SCAI: variants seen among roughly 807,000 people sequenced by gnomAD.
The protein encoded by SCAI is protein SCAI.
A neutral mutation model predicts 92.2 loss-of-function variants in SCAI; 24 were observed. That is an observed-to-expected ratio of 0.26 (90% CI 0.19 to 0.37). The LOEUF is 0.37. Ranked by LOEUF, SCAI falls within the 10% of genes least tolerant of loss-of-function variation. The pLI is 1.00. For missense variants in SCAI, 450 were observed against 736.2 expected (o/e 0.61, Z 4.50); for synonymous variants, 261 against 258.6 (o/e 1.01, Z -0.09).
intron 2 of SCAI, among the ~76,000 whole-genome samples, chr9:125,087,671 T>C (rs930949771): frequency 6.6e-6 from 1 of 152,210 alleles, no homozygotes; most frequent in African/African-American, 2.4e-5. Flanking sequence ...TCAATTTCCA[T>C]TGCTTTGTAA....
chr9:125,133,746 A>C (rs544387858), intron 2 of SCAI, among the ~76,000 whole-genome samples: 18 of 152,290 alleles, frequency 1.2e-4, no homozygotes, highest in Non-Finnish European at 2.2e-4. Context: ...CAAAAAACAA[A>C]AAAAAAAGAA....
intron 3 of SCAI, among the ~76,000 whole-genome samples, chr9:125,041,895 T>TC (rs1360336881): frequency 1.3e-5 from 2 of 152,162 alleles, no homozygotes; most frequent in Non-Finnish European, 2.9e-5. Context: ...TCATCCTTTT[T>TC]CTAATGAGAC....
intron 7 of SCAI, 92 bp downstream of exon 7, chr9:125,020,581 A>C (rs572561607): frequency 9.4e-5 from 57 of 603,978 alleles, no homozygotes; most frequent in African/African-American, 8.0e-4. Flanking sequence ...TTGATATATC[A>C]AAATTATTTT....
chr9:125,040,079 G>A (rs1050075154), intron 3 of SCAI, among the ~76,000 whole-genome samples: 4 of 152,264 alleles, frequency 2.6e-5, no homozygotes, highest in Admixed American at 1.3e-4. Context: ...TTTTGGCAGG[G>A]GACTGTGGCT....
At chr9:125,082,969 C>A (rs2131182935) in intron 2 of SCAI, among the ~76,000 whole-genome samples, 2 of 152,196 alleles carry the variant, frequency 1.3e-5, no homozygotes, top group East Asian at 3.9e-4. Flanking sequence ...GTTGGGAAGG[C>A]ATGATTGGTT....
At chr9:124,960,963 TA>T (rs1831423934) in intron 17 of SCAI, among the ~76,000 whole-genome samples, 4 of 151,756 alleles carry the variant, frequency 2.6e-5, no homozygotes, top group Admixed American at 2.6e-4. Context: ...CAAAAAAATT[TA>T]AAAATTAGCT....
At chr9:124,979,512 C>T (rs1483033411) in intron 14 of SCAI, among the ~76,000 whole-genome samples, 1 of 151,734 alleles carries the variant, frequency 6.6e-6, no homozygotes, top group Non-Finnish European at 1.5e-5. Context: ...TGTACCCTAG[C>T]CTGGGCAACA....
intron 9 of SCAI, among the ~76,000 whole-genome samples, chr9:125,010,743 T>G (rs1832618169): frequency 6.6e-6 from 1 of 152,210 alleles, no homozygotes; most frequent in African/African-American, 2.4e-5. Flanking sequence ...AGTGGGTCCC[T>G]GACCCCGACC....
chr9:125,123,643 C>T (rs577807334), intron 2 of SCAI, among the ~76,000 whole-genome samples: 10 of 152,170 alleles, frequency 6.6e-5, no homozygotes, highest in African/African-American at 2.4e-4. Context: ...GGCATGGTGG[C>T]GGGCACCTGG....
intron 17 of SCAI, among the ~76,000 whole-genome samples, chr9:124,960,269 C>T (rs967258907): frequency 3.7e-4 from 56 of 152,146 alleles, no homozygotes; most frequent in African/African-American, 1.3e-3. Context: ...CCCTCTCTCA[C>T]CCAGGCTGGA....
chr9:125,140,356 C>T (rs551488840), intron 2 of SCAI, among the ~76,000 whole-genome samples: 6 of 151,324 alleles, frequency 4.0e-5, no homozygotes, highest in East Asian at 3.9e-4. Context: ...GTTGAAACCC[C>T]GTCTCTACTA....
At chr9:125,010,103 C>T (rs1038134910) in intron 9 of SCAI, among the ~76,000 whole-genome samples, 2 of 152,156 alleles carry the variant, frequency 1.3e-5, no homozygotes, top group Admixed American at 6.5e-5. Context: ...CCAGGGTAAG[C>T]GACGCAGAAG....
chr9:124,953,798 G>C (rs1293302944), intron 17 of SCAI, among the ~76,000 whole-genome samples: 1 of 152,136 alleles, frequency 6.6e-6, no homozygotes, highest in Admixed American at 6.6e-5. Flanking sequence ...CTACTTTTCT[G>C]TACATTTCAT....
intron 3 of SCAI, among the ~76,000 whole-genome samples, chr9:125,050,214 C>G (rs1373737888): frequency 2.0e-5 from 3 of 152,090 alleles, no homozygotes; most frequent in Non-Finnish European, 4.4e-5. Context: ...AGACCACTAC[C>G]AATACATTTC....
chr9:124,955,649 C>T (rs1276162672), intron 17 of SCAI, among the ~76,000 whole-genome samples: 1 of 148,358 alleles, frequency 6.7e-6, no homozygotes, highest in Non-Finnish European at 1.5e-5. Context: ...TAAATAAATA[C>T]ATACATAAGT....
At chr9:125,026,558 T>C (rs1832969216) in intron 6 of SCAI, among the ~76,000 whole-genome samples, 1 of 152,212 alleles carries the variant, frequency 6.6e-6, no homozygotes, top group African/African-American at 2.4e-5. Flanking sequence ...TAAATCTGTG[T>C]GAAGCCAATC....
chr9:124,993,533 T>C lies in SCAI; in HGVS notation c.1326+1401A>G, dbSNP rs188464236. Among the ~76,000 whole-genome samples the C allele has an allele frequency of 5.4e-3, 827 of 152,212 alleles. 6 individuals are homozygous for C. Among genetic ancestry groups the C allele is most frequent in the African/African-American group, 0.019 (782 of 41,532 alleles). ...TGAACCTGGGAGGCGGAGGTTGCAG[T>C]GAGCTGAGATCATGCCATTGCACTC... On this transcript the variant is annotated intron_variant, in intron 14 of 17. Transcript: ENST00000336505.
intron 2 of SCAI, among the ~76,000 whole-genome samples, chr9:125,107,245 C>T (rs1000019576): frequency 6.6e-6 from 1 of 151,682 alleles, no homozygotes; most frequent in African/African-American, 2.4e-5. Flanking sequence ...CCCGTCTCTA[C>T]TAGAAATACA....
At chr9:125,114,765 C>T (rs1049396198) in intron 2 of SCAI, among the ~76,000 whole-genome samples, 15 of 132,780 alleles carry the variant, frequency 1.1e-4, no homozygotes, top group Middle Eastern at 8.4e-3. Context: ...TCACCACACC[C>T]GGCTTTTTTT....
Sources: allele counts gnomAD v4.1 joint callset (sites outside exome capture counted in the v4.1 genomes callset), GRCh38; gene constraint gnomAD v4.1.1; transcripts MANE v1.5; gene names NCBI Gene and HGNC (gene_info 2026-07-23, HGNC 2026-07-21).